FARP2: variants seen among roughly 807,000 people sequenced by gnomAD.
FARP2 encodes FERM, ARHGEF and pleckstrin domain-containing protein 2.
Under a neutral mutation model 130.5 loss-of-function variants are expected in FARP2, and 111 were observed. The observed-to-expected ratio is 0.85, with a 90% CI of 0.73 to 1.00. The LOEUF is 1.00. FARP2 is among the 50% of genes least tolerant of loss of function. The pLI, the probability that FARP2 is intolerant of heterozygous loss-of-function variation, is 0.00. For missense variants in FARP2, 1,385 were observed against 1,346.3 expected, an observed-to-expected ratio of 1.03 and a Z score of -0.45; for synonymous variants, 504 against 516.9, an observed-to-expected ratio of 0.98 and a Z score of 0.34.
intron 6 of FARP2, among the ~76,000 whole-genome samples, chr2:241,411,529 A>G (rs2074771): frequency 0.098 from 14,897 of 152,316 alleles, 795 homozygotes; most frequent in Middle Eastern, 0.12. Flanking sequence ...AGCATTAGCC[A>G]TGAAGGAAAA....
intron 2 of FARP2, among the ~76,000 whole-genome samples, chr2:241,398,228 A>C (rs2062078570): frequency 6.6e-6 from 1 of 152,074 alleles, no homozygotes. Context: ...ATATGTATAC[A>C]CTTATGTATC....
chr2:241,489,995 C>A lies in FARP2; in HGVS notation c.2455C>A (p.His819Asn). Reference sequence around the variant, plus strand: ...AAGTGATAACGAGTGGTCTGTTCCACACTGTTTCACCATCTACGCGGCTCA... The same window carrying A: ...AAGTGATAACGAGTGGTCTGTTCCAAACTGTTTCACCATCTACGCGGCTCA... ...EESDNEWSVP[H>N]CFTIYAAQKT... Residue 819 changes from histidine to asparagine, a missense_variant, in exon 22 of 27, where the codon CAC (histidine) becomes AAC (asparagine). Coordinates refer to ENST00000264042, the MANE Select transcript of FARP2 (RefSeq NM_014808.4). 6.2e-7 allele frequency: 1 copy of A among 1,613,970 alleles called. No individual in the cohort carries two copies. The highest frequency in any genetic ancestry group is 1.1e-5 in the South Asian group (1 of 91,074).
In FARP2 at chr2:241,492,995, G is replaced by A. The variant is rs770459028; in HGVS notation, c.2854G>A (p.Val952Ile). Residue 952 changes from valine to isoleucine, a missense_variant, in exon 25 of 27, where the codon GTC becomes ATC. Val to Ile is a conservative substitution (Grantham distance 29, BLOSUM62 3). Transcript: ENST00000264042. ...NSHGWQKLWV[V>I]FTNFCLFFYK... ...TCATGGCTGGCAGAAGCTCTGGGTC[G>A]TCTTTACCAACTTCTGTTTGTTCTT... 75 of 1,611,438 alleles carry A rather than the reference G, an allele frequency of 4.7e-5. No homozygotes were observed. The highest frequency in any genetic ancestry group is 1.6e-4 in the Middle Eastern group (1 of 6,084).
At chr2:241,454,820 T>C (rs1224409547) in intron 13 of FARP2, among the ~76,000 whole-genome samples, 1 of 152,256 alleles carries the variant, frequency 6.6e-6, no homozygotes, top group Non-Finnish European at 1.5e-5. Context: ...TTTCCTTGTG[T>C]TTTCAATGTA....
chr2:241,446,949 A>T (rs771098346), intron 13 of FARP2: 55 of 152,204 alleles, frequency 3.6e-4, no homozygotes, highest in Non-Finnish European at 6.3e-4. Context: ...CCCCTAGGAA[A>T]TGAAGAAAAA....
chr2:241,401,015 T>C (rs1033709260), intron 2 of FARP2, among the ~76,000 whole-genome samples: 3 of 152,200 alleles, frequency 2.0e-5, no homozygotes, highest in African/African-American at 7.2e-5. Context: ...GAGAAGGCCC[T>C]AAGAGATTAT....
intron 5 of FARP2, among the ~76,000 whole-genome samples, chr2:241,410,433 C>CA (rs2062485430): frequency 7.0e-6 from 1 of 143,570 alleles, no homozygotes; most frequent in African/African-American, 2.6e-5. Flanking sequence ...TAATTTCTTT[C>CA]TTTTTTTTTT....
chr2:241,413,342 G>C lies in FARP2; in HGVS notation c.544G>C (p.Glu182Gln), dbSNP rs1430924018. 8.1e-6 allele frequency: 13 copies of C among 1,611,992 alleles called. 1 individual carries two copies. In the South Asian group the frequency reaches 1.4e-4, roughly 18 times the overall value. ...IGDYDETLDR[E>Q]HLKVNEYLPG... ...AGATTACGATGAAACGCTGGACCGA[G>C]AGCACCTCAAAGTGAACGAGTATTT... The change falls in exon 7 of 27, where the codon GAG (glutamate) becomes CAG (glutamine). Residue 182 changes from glutamate to glutamine, a missense_variant. By Grantham distance (29) the Glu-to-Gln change is conservative. Transcript: ENST00000264042.
intron 22 of FARP2, 62 bp from the exon 23 acceptor site, chr2:241,490,999 T>C: frequency 7.6e-7 from 1 of 1,323,794 alleles, no homozygotes; most frequent in South Asian, 1.2e-5. Flanking sequence ...CGCCCTCCCT[T>C]GAGGGCTGGG....
At chr2:241,417,239 A>G (rs1202184825) in intron 7 of FARP2, among the ~76,000 whole-genome samples, 6 of 151,910 alleles carry the variant, frequency 3.9e-5, no homozygotes, top group Non-Finnish European at 5.9e-5. Context: ...CAGAGGTTGC[A>G]GTGAGCCAAG....
intron 21 of FARP2, chr2:241,489,682 C>T: frequency 3.7e-6 from 1 of 270,960 alleles, no homozygotes; most frequent in Non-Finnish European, 7.0e-6. Context: ...TCAAAATGCT[C>T]AACATTTTTT....
At chr2:241,466,629 C>G (rs1415840369) in intron 17 of FARP2, 36 of 984,248 alleles carry the variant, frequency 3.7e-5, no homozygotes, top group Non-Finnish European at 4.3e-5. Context: ...CCCCACCTGG[C>G]CCTCACCACC....
intron 8 of FARP2, among the ~76,000 whole-genome samples, chr2:241,430,529 C>T (rs575911799): frequency 2.5e-4 from 38 of 152,214 alleles, no homozygotes; most frequent in African/African-American, 8.7e-4. Flanking sequence ...CCAGGAATTC[C>T]CATCATTCGC....
At chr2:241,461,569 C>T (rs532967972) in intron 14 of FARP2, among the ~76,000 whole-genome samples, 6 of 152,350 alleles carry the variant, frequency 3.9e-5, no homozygotes, top group Admixed American at 1.3e-4. Context: ...TCCAGCCCCT[C>T]CTCTGCTCTG....
At chr2:241,403,046 A>G (rs1436123845) in intron 2 of FARP2, among the ~76,000 whole-genome samples, 4 of 148,100 alleles carry the variant, frequency 2.7e-5, no homozygotes, top group Middle Eastern at 6.8e-3. Flanking sequence ...CTTTTCCTTA[A>G]TGGGAGAGTC....
chr2:241,367,497 C>T (rs1270762901), intron 1 of FARP2, among the ~76,000 whole-genome samples: 1 of 152,094 alleles, frequency 6.6e-6, no homozygotes, highest in East Asian at 1.9e-4. Flanking sequence ...TAATGCGCCC[C>T]AGGGCCGAGG....
chr2:241,394,072 C>T (rs2061971342), intron 2 of FARP2, among the ~76,000 whole-genome samples: 1 of 152,126 alleles, frequency 6.6e-6, no homozygotes, highest in Non-Finnish European at 1.5e-5. Context: ...GGCTGTGAGG[C>T]CCTTCCGACC....
intron 13 of FARP2, among the ~76,000 whole-genome samples, chr2:241,455,423 C>T (rs1277122618): frequency 6.6e-6 from 1 of 152,188 alleles, no homozygotes; most frequent in Non-Finnish European, 1.5e-5. Context: ...TCTTGTTGCC[C>T]AGGCTGGAGG....
chr2:241,382,692 G>T (rs2061690412), intron 2 of FARP2, among the ~76,000 whole-genome samples: 1 of 152,152 alleles, frequency 6.6e-6, no homozygotes, highest in South Asian at 2.1e-4. Flanking sequence ...GATACATGTT[G>T]TGAAATTGTA....
Sources: allele counts gnomAD v4.1 joint callset (sites outside exome capture counted in the v4.1 genomes callset), GRCh38; gene constraint gnomAD v4.1.1; transcripts MANE v1.5; gene names NCBI Gene and HGNC (gene_info 2026-07-23, HGNC 2026-07-21).